SDK1: variants seen among roughly 807,000 people sequenced by gnomAD.
The protein encoded by SDK1 is protein sidekick-1.
A neutral mutation model predicts 245.5 loss-of-function variants in SDK1; 157 were observed. The observed-to-expected ratio is 0.64, with a 90% CI of 0.56 to 0.73. SDK1 has a LOEUF of 0.73. Ranked by LOEUF, SDK1 falls within the 30% of genes least tolerant of loss-of-function variation. The pLI, the probability that SDK1 is intolerant of heterozygous loss-of-function variation, is 0.00. For synonymous variants in SDK1, 1,647 were observed against 1,278.5 expected, an observed-to-expected ratio of 1.29 and a Z score of -6.15; for missense variants, 3,583 against 3,002.3, an observed-to-expected ratio of 1.19 and a Z score of -4.52.
intron 1 of SDK1, among the ~76,000 whole-genome samples, chr7:3,614,695 C>T (rs912162905): frequency 3.3e-5 from 5 of 152,164 alleles, no homozygotes; most frequent in African/African-American, 1.2e-4. Context: ...GTAAATAGTG[C>T]TGGGCTCAGA....
intron 5 of SDK1, among the ~76,000 whole-genome samples, chr7:3,881,972 T>A (rs755848507): frequency 3.3e-5 from 5 of 151,964 alleles, no homozygotes; most frequent in Non-Finnish European, 7.4e-5. Context: ...TGAGACTGGG[T>A]AATTTATAAA....
rs1040738102 is a variant in SDK1, at chr7:3,404,008, A to G, written c.298+102124A>G. Among the ~76,000 whole-genome samples, 6 of 151,172 alleles carry G rather than the reference A, an allele frequency of 4.0e-5. No individual in the cohort carries two copies. In the Admixed American group the frequency reaches 4.0e-4, roughly 10 times the overall value. On this transcript the variant is annotated intron_variant, in intron 1 of 44. Coordinates refer to ENST00000404826, the MANE Select transcript of SDK1 (RefSeq NM_152744.4). ...TTTGTGGTTTCCCAGTGCATATAAA[A>G]GTTGTGTTTATGCTATTTTGTAGTC...
intron 33 of SDK1, among the ~76,000 whole-genome samples, chr7:4,174,983 C>T (rs552024272): frequency 5.9e-5 from 9 of 152,240 alleles, no homozygotes; most frequent in Non-Finnish European, 1.0e-4. Context: ...CCTTGACATC[C>T]TCGTGCCGGG....
At chr7:3,975,847 C>T (rs1314614291) in intron 13 of SDK1, among the ~76,000 whole-genome samples, 1 of 152,256 alleles carries the variant, frequency 6.6e-6, no homozygotes, top group Non-Finnish European at 1.5e-5. Flanking sequence ...CATGGCTCTA[C>T]AGAATCAGCC....
At chr7:3,629,970 T>A (rs892331139) in intron 2 of SDK1, among the ~76,000 whole-genome samples, 1 of 152,166 alleles carries the variant, frequency 6.6e-6, no homozygotes. Flanking sequence ...ATCTAACTTA[T>A]AAGGATGAAA....
At chr7:3,553,886 C>T (rs950463924) in intron 1 of SDK1, among the ~76,000 whole-genome samples, 1 of 152,158 alleles carries the variant, frequency 6.6e-6, no homozygotes, top group Non-Finnish European at 1.5e-5. Flanking sequence ...CCCTTCACTC[C>T]CTCAGGCAGC....
chr7:3,617,989 G>T (rs2128644356), intron 1 of SDK1, among the ~76,000 whole-genome samples: 1 of 152,246 alleles, frequency 6.6e-6, no homozygotes, highest in South Asian at 2.1e-4. Context: ...AAGTTAGAAA[G>T]CTGATTATGC....
chr7:4,245,706 G>A lies in SDK1; in HGVS notation c.6282G>A (p.Leu2094=). Residue 2094 remains leucine, a synonymous_variant, in exon 44 of 45, where the codon CTG becomes CTA. Coordinates refer to ENST00000404826, the MANE Select transcript of SDK1 (RefSeq NM_152744.4). ...RSPPRPSPGG[L]HYSDEDICNK... Reference sequence around the variant, plus strand: ...CACCCCGGCCTAGCCCCGGCGGCCTGCACTACTCAGACGAGGACATCTGCA... The same window carrying A: ...CACCCCGGCCTAGCCCCGGCGGCCTACACTACTCAGACGAGGACATCTGCA... 6.2e-7 allele frequency: 1 copy of A among 1,614,110 alleles called. No individual in the cohort carries two copies. The highest frequency in any genetic ancestry group is 8.5e-7 in the Non-Finnish European group (1 of 1,180,010).
intron 2 of SDK1, among the ~76,000 whole-genome samples, chr7:3,628,696 A>G (rs760070949): frequency 7.2e-5 from 11 of 152,212 alleles, no homozygotes; most frequent in Non-Finnish European, 4.4e-5. Flanking sequence ...CTGGGTCAAG[A>G]TAAAGTAACT....
intron 1 of SDK1, among the ~76,000 whole-genome samples, chr7:3,308,255 A>T (rs1779467571): frequency 6.6e-6 from 1 of 152,176 alleles, no homozygotes; most frequent in Non-Finnish European, 1.5e-5. Context: ...GAGGTAATTA[A>T]TGCAGTGAGA....
intron 5 of SDK1, among the ~76,000 whole-genome samples, chr7:3,899,064 G>A (rs1180073485): frequency 6.6e-6 from 1 of 152,068 alleles, no homozygotes; most frequent in South Asian, 2.1e-4. Flanking sequence ...TTCCATTTAA[G>A]TCATGAGAAA....
intron 35 of SDK1, among the ~76,000 whole-genome samples, chr7:4,191,551 C>G (rs974717473): frequency 7.2e-5 from 11 of 152,262 alleles, no homozygotes; most frequent in Admixed American, 3.9e-4. Context: ...CACCCACTTG[C>G]TCAGCAACTT....
At chr7:3,691,656 T>A (rs929033475) in intron 4 of SDK1, among the ~76,000 whole-genome samples, 1 of 152,224 alleles carries the variant, frequency 6.6e-6, no homozygotes, top group African/African-American at 2.4e-5. Flanking sequence ...TGATTTTTCC[T>A]CTTGTGACCT....
At chr7:4,095,766 G>A (rs922849771) in intron 22 of SDK1, among the ~76,000 whole-genome samples, 1 of 152,116 alleles carries the variant, frequency 6.6e-6, no homozygotes, top group South Asian at 2.1e-4. Flanking sequence ...TAGAGATGGG[G>A]TTTCGCCGTG....
Position 3,459,242 on chromosome 7 carries a change from T to C in SDK1, c.298+157358T>C, listed in dbSNP as rs554835213. Among the ~76,000 whole-genome samples the C allele has an allele frequency of 6.6e-5, 10 of 152,374 alleles. No homozygotes were observed. In the South Asian group the frequency reaches 1.7e-3, roughly 25 times the overall value. On this transcript the variant is annotated intron_variant, in intron 1 of 44. Transcript: ENST00000404826. ...TGTTCATTTCATAGGAATTTGGTAC[T>C]GTATTTGTAGTACCTTTTTATACTC...
intron 1 of SDK1, among the ~76,000 whole-genome samples, chr7:3,418,714 G>A (rs1360940555): frequency 1.3e-5 from 2 of 152,148 alleles, no homozygotes; most frequent in Middle Eastern, 3.2e-3. Flanking sequence ...ATACATCGGC[G>A]ATACTGTTAC....
intron 4 of SDK1, among the ~76,000 whole-genome samples, chr7:3,794,678 G>A (rs1477783371): frequency 6.6e-6 from 1 of 152,134 alleles, no homozygotes; most frequent in Non-Finnish European, 1.5e-5. Flanking sequence ...GCCCTCCCCA[G>A]ATATAGTCCC....
chr7:3,690,759 A>G (rs1040030968), intron 4 of SDK1, among the ~76,000 whole-genome samples: 5 of 152,250 alleles, frequency 3.3e-5, no homozygotes, highest in Admixed American at 2.6e-4. Context: ...ACTCTCTACT[A>G]CAAGGTCAAA....
At chr7:3,435,702 T>C (rs1216950118) in intron 1 of SDK1, among the ~76,000 whole-genome samples, 2 of 152,052 alleles carry the variant, frequency 1.3e-5, no homozygotes, top group African/African-American at 4.8e-5. Context: ...AACTCATCTC[T>C]ATCCTACTTT....
Sources: gnomAD v4.1 joint callset for allele counts (sites outside exome capture counted in the v4.1 genomes callset) on GRCh38, gnomAD v4.1.1 for gene constraint, MANE v1.5 for transcripts, NCBI Gene and HGNC (gene_info 2026-07-23, HGNC 2026-07-21) for gene names.